STAC: variants seen among roughly 807,000 people sequenced by gnomAD.
STAC encodes SH3 and cysteine rich domain.
Under a neutral mutation model 48.8 loss-of-function variants are expected in STAC, and 43 were observed. The observed-to-expected ratio is 0.88, with a 90% CI of 0.69 to 1.14. The LOEUF is 1.14. Among genes scored for constraint, STAC ranks in the 50% most tolerant of loss-of-function variants. The pLI, the probability that STAC is intolerant of heterozygous loss-of-function variation, is 0.00. For synonymous variants in STAC, 193 were observed against 179.5 expected (o/e 1.07, Z -0.60); for missense variants, 497 against 504.0 (o/e 0.99, Z 0.13).
At chr3:36,439,782 TC>T (rs1483740134) in intron 1 of STAC, among the ~76,000 whole-genome samples, 2 of 152,158 alleles carry the variant, frequency 1.3e-5, no homozygotes, top group African/African-American at 4.8e-5. Context: ...AATGATTGTC[TC>T]ATAGCCCCTT....
chr3:36,503,817 C>T (rs1322756287), intron 6 of STAC, among the ~76,000 whole-genome samples: 1 of 152,022 alleles, frequency 6.6e-6, no homozygotes, highest in Non-Finnish European at 1.5e-5. Flanking sequence ...ATTATACTTC[C>T]CAAGAATAAA....
chr3:36,468,000 C>T (rs1038616327), intron 2 of STAC, among the ~76,000 whole-genome samples: 2 of 152,056 alleles, frequency 1.3e-5, no homozygotes, highest in African/African-American at 4.8e-5. Flanking sequence ...GAACTTTCCT[C>T]TTAGCACCAC....
intron 2 of STAC, among the ~76,000 whole-genome samples, chr3:36,480,367 TGTGAA>T (rs1380928593): frequency 2.0e-5 from 3 of 152,226 alleles, no homozygotes; most frequent in Non-Finnish European, 4.4e-5. Flanking sequence ...TTCAACTTTC[TGTGAA>T]GTGATTATGA....
At position 36,403,654 on chromosome 3, in the gene STAC, A is replaced by G. The variant is rs4678871; in HGVS notation, c.111+22900A>G. Among the ~76,000 whole-genome samples the G allele has an allele frequency of 0.019, 2,821 of 152,280 alleles. 152 individuals are homozygous for G. The East Asian group carries it at 0.22, about 12-fold the overall frequency. On this transcript the variant is annotated intron_variant, in intron 1 of 10. Coordinates refer to ENST00000273183, the MANE Select transcript of STAC (RefSeq NM_003149.3). Reference sequence around the variant, plus strand: ...AAATGGAAAGAATTCTGCATACACAATTAGTAAAATCATGTGACATTTATA... The same window carrying G: ...AAATGGAAAGAATTCTGCATACACAGTTAGTAAAATCATGTGACATTTATA...
chr3:36,534,997 C>T (rs1168149843), intron 10 of STAC, among the ~76,000 whole-genome samples: 1 of 152,056 alleles, frequency 6.6e-6, no homozygotes, highest in Non-Finnish European at 1.5e-5. Context: ...CTTATTAAAT[C>T]GACTTTAAAA....
intron 8 of STAC, among the ~76,000 whole-genome samples, chr3:36,516,868 C>T (rs1214228280): frequency 6.6e-6 from 1 of 152,174 alleles, no homozygotes; most frequent in Admixed American, 6.5e-5. Context: ...ACCTTCTCTT[C>T]ATAATTACAT....
intron 2 of STAC, among the ~76,000 whole-genome samples, chr3:36,480,140 C>T (rs891046349): frequency 1.3e-5 from 2 of 152,158 alleles, no homozygotes; most frequent in Non-Finnish European, 2.9e-5. Context: ...GAAATAACTT[C>T]CTCTTTGAAG....
intron 2 of STAC, among the ~76,000 whole-genome samples, chr3:36,482,554 C>A (rs1213916853): frequency 6.6e-6 from 1 of 152,238 alleles, no homozygotes; most frequent in Non-Finnish European, 1.5e-5. Context: ...ACCTGCCCTT[C>A]CCCCTTAATC....
At chr3:36,528,322 ATC>A (rs1698984601) in intron 8 of STAC, among the ~76,000 whole-genome samples, 1 of 152,086 alleles carries the variant, frequency 6.6e-6, no homozygotes, top group Non-Finnish European at 1.5e-5. Flanking sequence ...TACAAAAATG[ATC>A]TGGGCATGGT....
intron 2 of STAC, among the ~76,000 whole-genome samples, chr3:36,474,928 T>A (rs575132594): frequency 6.6e-6 from 1 of 152,304 alleles, no homozygotes; most frequent in Non-Finnish European, 1.5e-5. Context: ...AATGTAAGAA[T>A]ACAGAAGTAA....
chr3:36,388,284 A>T (rs1206334740), intron 1 of STAC, among the ~76,000 whole-genome samples: 1 of 151,714 alleles, frequency 6.6e-6, no homozygotes, highest in Non-Finnish European at 1.5e-5. Flanking sequence ...CCTTTTTATT[A>T]CTTGTCTTTT....
chr3:36,398,286 G>T (rs1213120174), intron 1 of STAC, among the ~76,000 whole-genome samples: 3 of 121,630 alleles, frequency 2.5e-5, no homozygotes, highest in African/African-American at 9.3e-5. Flanking sequence ...ATCTATGAAG[G>T]TATGTTAAAA....
chr3:36,396,609 T>G (rs1699862900), intron 1 of STAC, among the ~76,000 whole-genome samples: 1 of 152,198 alleles, frequency 6.6e-6, no homozygotes, highest in African/African-American at 2.4e-5. Flanking sequence ...AAGAAAATGT[T>G]CCAAGCATTT....
At chr3:36,492,031 A>AAAAAATATAT (rs1553639882) in intron 5 of STAC, among the ~76,000 whole-genome samples, 2 of 16,432 alleles carry the variant, frequency 1.2e-4, no homozygotes, top group African/African-American at 1.9e-4. Context: ...AAAAAAAAAA[A>AAAAAATATAT]ATATATATAT....
At position 36,383,013 on chromosome 3, in the gene STAC, G is replaced by GT. The variant is rs991054203; in HGVS notation, c.111+2266dup. On this transcript the variant is annotated intron_variant, in intron 1 of 10. Coordinates refer to ENST00000273183, the MANE Select transcript of STAC (RefSeq NM_003149.3). The stretch of plus-strand genomic sequence containing the variant: ...AAAGTTACTTTTTTTAAAGAGTTAG[G>GT]TTTTTTTGTCTTATTATAAGAGTAA... Among the ~76,000 whole-genome samples, 16 of 152,154 alleles carry GT rather than the reference G, an allele frequency of 1.1e-4. No individual in the cohort carries two copies. The South Asian group carries it at 3.1e-3, about 30-fold the overall frequency.
intron 1 of STAC, among the ~76,000 whole-genome samples, chr3:36,401,146 T>C (rs556279300): frequency 5.9e-5 from 9 of 152,190 alleles, no homozygotes; most frequent in Non-Finnish European, 1.0e-4. Context: ...ATGTTTACAT[T>C]TTGGAGTCAC....
intron 1 of STAC, among the ~76,000 whole-genome samples, chr3:36,437,101 G>C (rs961301264): frequency 5.3e-5 from 8 of 152,094 alleles, no homozygotes; most frequent in African/African-American, 1.9e-4. Flanking sequence ...AGTGAGAATG[G>C]CGATCATTAA....
At position 36,443,294 on chromosome 3, in the gene STAC, C is replaced by G. The variant is rs1696408708; in HGVS notation, c.112-70C>G. On this transcript the variant is annotated intron_variant, in intron 1 of 10. Transcript: ENST00000273183. This position sits in a 1 kb window ranked among gnomAD's most constrained non-coding sequence, Gnocchi z 4.2. ...GGACTGTGTAGTGCACACAGCAGAC[C>G]TTACCCCCACAGCCTAGGTCTGCTT... The G allele has an allele frequency of 1.3e-6, 2 of 1,575,854 alleles. No homozygotes were observed. Among genetic ancestry groups the G allele is most frequent in the Non-Finnish European group, 1.7e-6 (2 of 1,156,920 alleles).
At chr3:36,498,994 G>A (rs565609036) in intron 6 of STAC, among the ~76,000 whole-genome samples, 2 of 152,330 alleles carry the variant, frequency 1.3e-5, no homozygotes, top group East Asian at 1.9e-4. Context: ...TACAGTATAA[G>A]TGAAATAACA....
Sources: allele counts gnomAD v4.1 joint callset (sites outside exome capture counted in the v4.1 genomes callset), GRCh38; gene constraint gnomAD v4.1.1; non-coding constraint Gnocchi (gnomAD v3.1); transcripts MANE v1.5; gene names NCBI Gene and HGNC (gene_info 2026-07-23, HGNC 2026-07-21).